Variants in NDFIP1 observed in about 807,000 individuals in gnomAD.
NDFIP1 encodes the protein Nedd4 family interacting protein 1.
Under a neutral mutation model 28.8 loss-of-function variants are expected in NDFIP1, and 7 were observed. The ratio of observed to expected loss-of-function variants is 0.24; its 90% CI spans 0.14 to 0.46. NDFIP1 has a LOEUF of 0.46. Among genes scored for constraint, NDFIP1 ranks in the 20% least tolerant of loss-of-function variants. The probability of loss-of-function intolerance (pLI) is 0.99; values close to 1 mark genes in which losing one functional copy is unlikely to be tolerated. For missense variants in NDFIP1, 194 were observed against 269.1 expected (o/e 0.72, Z 1.95); for synonymous variants, 92 against 101.0 (o/e 0.91, Z 0.53).
At chr5:142,147,440 G>A (rs1460348907) in intron 7 of NDFIP1, among the ~76,000 whole-genome samples, 3 of 152,182 alleles carry the variant, frequency 2.0e-5, no homozygotes, top group East Asian at 1.9e-4. Flanking sequence ...CCTCCCTATC[G>A]ATTCTTTATT....
At position 142,153,420 on chromosome 5, in the gene NDFIP1, C is replaced by T; in HGVS notation, c.*1692C>T. The T allele has an allele frequency of 4.4e-6, 2 of 457,038 alleles. No individual in the cohort carries two copies. Among genetic ancestry groups the T allele is most frequent in the Non-Finnish European group, 4.4e-6 (1 of 227,026 alleles). The allele number at this position is 457,038 out of a possible 1,614,324, so 28.3% of individuals were successfully genotyped here. A position where few individuals can be genotyped will look rare whatever the true frequency, so the allele number is the denominator to read the frequency against. The stretch of plus-strand genomic sequence containing the variant: ...CAGCATAGGAAGTCGTTCAGGATAT[C>T]AGTATATAATGCACAGAAGTGTGGG... On this transcript the variant is annotated 3_prime_UTR_variant, in exon 8 of 8. Transcript: ENST00000253814.
chr5:142,130,696 C>CAAA (rs11405616), intron 1 of NDFIP1, among the ~76,000 whole-genome samples: 2 of 145,608 alleles, frequency 1.4e-5, no homozygotes, highest in African/African-American at 2.5e-5. Flanking sequence ...CCTGTCTCTC[C>CAAA]AAAAAAAAAA....
Position 142,132,349 on chromosome 5 carries a change from A to G in NDFIP1, c.282+7A>G. On this transcript the variant is annotated splice_region_variant and intron_variant, in intron 3 of 7. Transcript: ENST00000253814. Reference sequence around the variant, plus strand: ...CCCTTTGGTTCCTGGGAGAGTGAGTATAATTTGCCATGTTACTTGATGGCT... The same window carrying G: ...CCCTTTGGTTCCTGGGAGAGTGAGTGTAATTTGCCATGTTACTTGATGGCT... 3 of 1,604,552 alleles carry G rather than the reference A, an allele frequency of 1.9e-6. No individual in the cohort carries two copies. The highest frequency in any genetic ancestry group is 2.5e-6 in the Non-Finnish European group (3 of 1,177,784).
intron 7 of NDFIP1, among the ~76,000 whole-genome samples, chr5:142,150,535 TTAAA>T (rs1757434692): frequency 6.6e-6 from 1 of 152,048 alleles, no homozygotes; most frequent in African/African-American, 2.4e-5. Context: ...TGGCAGCCTT[TTAAA>T]TACTTACGCA....
intron 7 of NDFIP1, among the ~76,000 whole-genome samples, chr5:142,148,821 C>T (rs978857568): frequency 8.0e-6 from 1 of 125,050 alleles, no homozygotes; most frequent in Admixed American, 8.1e-5. Flanking sequence ...CTGTTATAAA[C>T]ATCTGTACCT....
intron 1 of NDFIP1, among the ~76,000 whole-genome samples, chr5:142,119,576 A>G (rs1441545230): frequency 3.9e-5 from 6 of 152,200 alleles, no homozygotes; most frequent in African/African-American, 7.2e-5. Context: ...TGTGCTATCA[A>G]GTTCTATAAA....
chr5:142,138,962 A>T (rs1757300741), intron 5 of NDFIP1, among the ~76,000 whole-genome samples: 1 of 151,456 alleles, frequency 6.6e-6, no homozygotes, highest in South Asian at 2.1e-4. Flanking sequence ...TCACGCCTGT[A>T]ATCCCAGCAC....
intron 3 of NDFIP1, among the ~76,000 whole-genome samples, chr5:142,133,131 T>G (rs192692291): frequency 8.7e-4 from 133 of 152,354 alleles, no homozygotes; most frequent in Non-Finnish European, 1.4e-3. Context: ...GTTCCCCTCT[T>G]GGCTTTAAGA....
At chr5:142,110,605 A>G (rs1461966635) in intron 1 of NDFIP1, among the ~76,000 whole-genome samples, 1 of 152,184 alleles carries the variant, frequency 6.6e-6, no homozygotes, top group East Asian at 1.9e-4. Flanking sequence ...GAATTGAAGT[A>G]TAAAAAAAAG....
intron 1 of NDFIP1, among the ~76,000 whole-genome samples, chr5:142,122,792 T>C (rs1757133653): frequency 6.6e-6 from 1 of 152,158 alleles, no homozygotes; most frequent in South Asian, 2.1e-4. Flanking sequence ...TCTATTCAAG[T>C]CTTGTCCCTT....
chr5:142,123,494 T>C (rs2338822), intron 1 of NDFIP1, among the ~76,000 whole-genome samples: 102,442 of 151,842 alleles, frequency 0.67, 34,897 homozygotes, highest in African/African-American at 0.78. Flanking sequence ...CTTTTTTTTC[T>C]CCTTTGGAAG....
intron 6 of NDFIP1, chr5:142,142,938 A>ATATATATAT (rs1418610556): frequency 2.2e-4 from 18 of 81,308 alleles, no homozygotes; most frequent in African/African-American, 9.3e-4. Context: ...AAAAAAAAAA[A>ATATATATAT]AAATATATAT....
At chr5:142,147,025 C>T (rs1037127462) in intron 7 of NDFIP1, among the ~76,000 whole-genome samples, 24 of 152,032 alleles carry the variant, frequency 1.6e-4, no homozygotes, top group African/African-American at 4.3e-4. Flanking sequence ...CAGGAGTGTA[C>T]GTTAAGAGTT....
chr5:142,131,794 A>T lies in NDFIP1; in HGVS notation c.64-14A>T, dbSNP rs1405369201. Reference sequence around the variant, plus strand: ...GGCTTTATGCTTACATTAAAATATGAAATTTTTATTTAGTTGCAGAATGAA... The same window carrying T: ...GGCTTTATGCTTACATTAAAATATGTAATTTTTATTTAGTTGCAGAATGAA... On this transcript the variant is annotated splice_polypyrimidine_tract_variant and intron_variant, in intron 1 of 7. Transcript: ENST00000253814. 2 of 1,556,186 alleles carry T rather than the reference A, an allele frequency of 1.3e-6. No homozygotes were observed. The highest frequency in any genetic ancestry group is 1.7e-6 in the Non-Finnish European group (2 of 1,157,550).
intron 3 of NDFIP1, among the ~76,000 whole-genome samples, chr5:142,134,253 A>G (rs1348109077): frequency 2.0e-5 from 3 of 152,206 alleles, no homozygotes; most frequent in African/African-American, 7.2e-5. Flanking sequence ...TCATGGTAGA[A>G]GAGATACCAA....
At chr5:142,118,118 C>T (rs1757088284) in intron 1 of NDFIP1, among the ~76,000 whole-genome samples, 1 of 152,146 alleles carries the variant, frequency 6.6e-6, no homozygotes, top group Non-Finnish European at 1.5e-5. Flanking sequence ...CTATTAGCAT[C>T]TTATATCAGT....
chr5:142,143,053 T>C (rs1325199654), intron 6 of NDFIP1: 1 of 150,572 alleles, frequency 6.6e-6, no homozygotes, highest in African/African-American at 2.5e-5. Context: ...AGAACCAGTT[T>C]AATGGTGTTT....
Position 142,108,922 on chromosome 5 carries a change from G to T in NDFIP1, c.-53G>T. 1 of 1,380,606 alleles carries T rather than the reference G, an allele frequency of 7.2e-7. No individual in the cohort carries two copies. Among genetic ancestry groups the T allele is most frequent in the Non-Finnish European group, 9.4e-7 (1 of 1,064,738 alleles). The allele number at this position is 1,380,606 out of a possible 1,614,324, so 85.5% of individuals were successfully genotyped here. On this transcript the variant is annotated 5_prime_UTR_variant, in exon 1 of 8. Transcript: ENST00000253814. Reference sequence around the variant, plus strand: ...AGCGCTCCCAAGCCGCAGCGGCCGCGCCCCTTCAGCTAGCTCGCTCGCTCG... The same window carrying T: ...AGCGCTCCCAAGCCGCAGCGGCCGCTCCCCTTCAGCTAGCTCGCTCGCTCG...
intron 1 of NDFIP1, among the ~76,000 whole-genome samples, chr5:142,119,251 C>T (rs1165177762): frequency 6.6e-6 from 1 of 152,234 alleles, no homozygotes; most frequent in Non-Finnish European, 1.5e-5. Context: ...TGGCTCACTT[C>T]CACCATCCAT....
Sources: gnomAD v4.1 joint callset for allele counts (sites outside exome capture counted in the v4.1 genomes callset) on GRCh38, gnomAD v4.1.1 for gene constraint, MANE v1.5 for transcripts, NCBI Gene and HGNC (gene_info 2026-07-23, HGNC 2026-07-21) for gene names.